SPTAN1: variants seen among roughly 807,000 people sequenced by gnomAD.
The protein encoded by SPTAN1 is spectrin alpha chain, non-erythrocytic 1.
SPTAN1 carries 61 observed loss-of-function variants against 331.3 expected under a neutral mutation model. The observed-to-expected ratio is 0.18, with a 90% CI of 0.15 to 0.23. The LOEUF (loss-of-function observed/expected upper bound fraction) is 0.23. Ranked by LOEUF, SPTAN1 falls within the 10% of genes least tolerant of loss-of-function variation. The probability of loss-of-function intolerance (pLI) is 1.00; values close to 1 mark genes in which losing one functional copy is unlikely to be tolerated. For synonymous variants in SPTAN1, 1,153 were observed against 1,173.9 expected, an observed-to-expected ratio of 0.98 and a Z score of 0.36; for missense variants, 2,043 against 3,147.9, an observed-to-expected ratio of 0.65 and a Z score of 8.40.
chr9:128,632,984 G>C (rs1196597884), intron 56 of SPTAN1, 29 bp downstream of exon 56: 1 of 1,607,990 alleles, frequency 6.2e-7, no homozygotes. Flanking sequence ...GGGTGAAGAG[G>C]TGTCCTTTGG....
intron 22 of SPTAN1, 147 bp downstream of exon 22, chr9:128,591,772 C>T: frequency 1.1e-6 from 1 of 951,156 alleles, no homozygotes; most frequent in South Asian, 1.6e-5. Flanking sequence ...GCCCACAGAC[C>T]TCCCTGTGTG....
chr9:128,588,165 T>G (rs1377495088), intron 20 of SPTAN1, among the ~76,000 whole-genome samples: 3 of 151,024 alleles, frequency 2.0e-5, no homozygotes, highest in Non-Finnish European at 3.0e-5. Flanking sequence ...GCCCAGCTAA[T>G]TTTTGTATTT....
chr9:128,580,300 A>AT (rs1327816306), intron 10 of SPTAN1, among the ~76,000 whole-genome samples: 1 of 151,022 alleles, frequency 6.6e-6, no homozygotes, highest in Non-Finnish European at 1.5e-5. Context: ...ATAAATAAAT[A>AT]AAAATAAAAT....
At position 128,627,990 on chromosome 9, in the gene SPTAN1, G is replaced by C. The variant is rs749543704; in HGVS notation, c.6707+48G>C. ...TCTGGGCTTGTCATGTGGGGGTCTC[G>C]TGCGCTTGCCCCTCGTGGCCTGGCT... is the stretch of plus-strand genomic sequence containing the variant. On this transcript the variant is annotated intron_variant, in intron 51 of 56. Coordinates refer to ENST00000372739, the MANE Select transcript of SPTAN1 (RefSeq NM_001130438.3). This position sits in a 1 kb window ranked among gnomAD's most constrained non-coding sequence, Gnocchi z 4.9. The C allele has an allele frequency of 1.2e-6, 2 of 1,612,856 alleles. No homozygotes were observed. Among genetic ancestry groups the C allele is most frequent in the Admixed American group, 1.7e-5 (1 of 59,992 alleles).
chr9:128,579,616 CT>C lies in SPTAN1; in HGVS notation c.1222-18del, dbSNP rs1851704796. On this transcript the variant is annotated intron_variant, in intron 9 of 56. Coordinates refer to ENST00000372739, the MANE Select transcript of SPTAN1 (RefSeq NM_001130438.3). ...GTAAGATGCTGGGCACAAATCATGG[CT>C]TTGTTTTTTTCTCCTGTAGGGTGAA... The C allele has an allele frequency of 6.3e-7, 1 of 1,593,896 alleles. No individual in the cohort carries two copies. Among genetic ancestry groups the C allele is most frequent in the Non-Finnish European group, 8.6e-7 (1 of 1,161,826 alleles).
At chr9:128,630,028 G>A (rs1859438814) in intron 51 of SPTAN1, 1 of 537,580 alleles carries the variant, frequency 1.9e-6, no homozygotes, top group Non-Finnish European at 3.5e-6. Flanking sequence ...CTGCACCCAT[G>A]GGGGAATTTA....
Position 128,604,986 on chromosome 9 carries a change from A to G in SPTAN1, c.3720-48A>G, listed in dbSNP as rs752581974. 1.9e-6 allele frequency: 3 copies of G among 1,610,180 alleles called. No homozygotes were observed. The South Asian group carries it at 3.3e-5, about 18-fold the overall frequency. On this transcript the variant is annotated intron_variant, in intron 29 of 56. Coordinates refer to ENST00000372739, the MANE Select transcript of SPTAN1 (RefSeq NM_001130438.3). ...AATTTTTTTTAGTGTCCTGTAATCAAGGCAGTTGTACTTGGCATTTCTTAA... is the reference window on the plus strand; with the variant it reads ...AATTTTTTTTAGTGTCCTGTAATCAGGGCAGTTGTACTTGGCATTTCTTAA...
chr9:128,623,461 GTTTT>G (rs1199547183), intron 45 of SPTAN1, among the ~76,000 whole-genome samples: 2 of 147,494 alleles, frequency 1.4e-5, no homozygotes, highest in Non-Finnish European at 3.0e-5. Flanking sequence ...CAGCCCATTC[GTTTT>G]TTTTGTTTGA....
intron 19 of SPTAN1, among the ~76,000 whole-genome samples, chr9:128,586,600 C>T (rs957837504): frequency 1.3e-5 from 2 of 152,020 alleles, no homozygotes; most frequent in African/African-American, 4.8e-5. Flanking sequence ...TACATATATA[C>T]ATACCTACAA....
At chr9:128,560,700 G>C (rs967126187) in intron 1 of SPTAN1, among the ~76,000 whole-genome samples, 18 of 151,970 alleles carry the variant, frequency 1.2e-4, no homozygotes, top group African/African-American at 4.3e-4. Flanking sequence ...TCACTCCAAA[G>C]TGCAGATGTG....
intron 40 of SPTAN1, among the ~76,000 whole-genome samples, chr9:128,614,209 C>A (rs1856866899): frequency 6.6e-6 from 1 of 152,102 alleles, no homozygotes; most frequent in Admixed American, 6.6e-5. Context: ...AATCCCAGCA[C>A]TTTGGGAGGC....
Position 128,621,153 on chromosome 9 carries a change from T to C in SPTAN1, c.5734-5T>C. The stretch of plus-strand genomic sequence containing the variant: ...AATAGTGTGCCTTGGCTGCTTCTAC[T>C]CCAGGGCTTACTGAAGAAACATGAA... On this transcript the variant is annotated splice_region_variant and splice_polypyrimidine_tract_variant and intron_variant, in intron 44 of 56. Transcript: ENST00000372739. 6.2e-7 allele frequency: 1 copy of C among 1,614,054 alleles called. No individual in the cohort carries two copies. The highest frequency in any genetic ancestry group is 8.5e-7 in the Non-Finnish European group (1 of 1,179,928).
intron 9 of SPTAN1, among the ~76,000 whole-genome samples, chr9:128,579,429 A>C (rs188033225): frequency 6.6e-6 from 1 of 152,220 alleles, no homozygotes; most frequent in South Asian, 2.1e-4. Context: ...CTGAAAAGCC[A>C]TTTGGAAAGG....
chr9:128,585,971 C>T lies in SPTAN1; in HGVS notation c.2778+6C>T, dbSNP rs925126570. On this transcript the variant is annotated splice_donor_region_variant and intron_variant, in intron 19 of 56. Coordinates refer to ENST00000372739, the MANE Select transcript of SPTAN1 (RefSeq NM_001130438.3). ...AGGACGAAGACTCTGCTGAGGTAACCAGGCGTGGGAAGCGTCTCACCTGCC... is the reference window on the plus strand; with the variant it reads ...AGGACGAAGACTCTGCTGAGGTAACTAGGCGTGGGAAGCGTCTCACCTGCC... 2 of 1,612,084 alleles carry T rather than the reference C, an allele frequency of 1.2e-6. No individual in the cohort carries two copies. The highest frequency in any genetic ancestry group is 1.7e-6 in the Non-Finnish European group (2 of 1,179,918).
In SPTAN1 at chr9:128,615,746, A is replaced by G; in HGVS notation, c.5263A>G (p.Lys1755Glu). The G allele has an allele frequency of 6.2e-7, 1 of 1,614,188 alleles. No individual in the cohort carries two copies. The highest frequency in any genetic ancestry group is 1.7e-5 in the Admixed American group (1 of 60,034). The change falls in exon 41 of 57, where the codon AAG becomes GAG. Residue 1755 changes from lysine (K) to glutamate (E), a missense_variant. Coordinates refer to ENST00000372739, the MANE Select transcript of SPTAN1 (RefSeq NM_001130438.3). ...DTINGRFQKI[K>E]SMAASRRAKL... The stretch of plus-strand genomic sequence containing the variant: ...CATCAACGGGCGCTTCCAGAAGATC[A>G]AGAGCATGGCGGCCTCCCGGCGAGC...
chr9:128,616,074 T>A (rs1019146933), intron 41 of SPTAN1, among the ~76,000 whole-genome samples: 1 of 152,144 alleles, frequency 6.6e-6, no homozygotes, highest in Non-Finnish European at 1.5e-5. Context: ...CCCTGCCTTT[T>A]AGATTCCCGT....
chr9:128,591,564 C>A lies in SPTAN1; in HGVS notation c.3094C>A (p.Arg1032=). The change falls in exon 22 of 57, where the codon CGG becomes AGG. Residue 1032 remains arginine, a synonymous_variant. Coordinates refer to ENST00000372739, the MANE Select transcript of SPTAN1 (RefSeq NM_001130438.3). ...ATTGGACCCCGCCCAGTCAGCCTCCCGGGAGAATCTCCTGGAGGAGCAAGG... is the reference window on the plus strand; with the variant it reads ...ATTGGACCCCGCCCAGTCAGCCTCCAGGGAGAATCTCCTGGAGGAGCAAGG... ...KKLDPAQSAS[R]ENLLEEQGSI... 6.2e-7 allele frequency: 1 copy of A among 1,614,182 alleles called. No homozygotes were observed. The highest frequency in any genetic ancestry group is 8.5e-7 in the Non-Finnish European group (1 of 1,180,038).
At chr9:128,569,828 A>G (rs893905147) in intron 3 of SPTAN1, among the ~76,000 whole-genome samples, 1 of 152,142 alleles carries the variant, frequency 6.6e-6, no homozygotes, top group African/African-American at 2.4e-5. Context: ...ACTCATTTTC[A>G]ACAATAAATG....
At position 128,585,976 on chromosome 9, in the gene SPTAN1, G is replaced by A. The variant is rs751451527; in HGVS notation, c.2778+11G>A. On this transcript the variant is annotated intron_variant, in intron 19 of 56. Transcript: ENST00000372739. Reference sequence around the variant, plus strand: ...GAAGACTCTGCTGAGGTAACCAGGCGTGGGAAGCGTCTCACCTGCCAGGGA... The same window carrying A: ...GAAGACTCTGCTGAGGTAACCAGGCATGGGAAGCGTCTCACCTGCCAGGGA... The A allele has an allele frequency of 1.3e-5, 21 of 1,611,848 alleles. No individual in the cohort carries two copies. The highest frequency in any genetic ancestry group is 6.7e-5 in the African/African-American group (5 of 74,862).
Sources: allele counts gnomAD v4.1 joint callset (sites outside exome capture counted in the v4.1 genomes callset), GRCh38; gene constraint gnomAD v4.1.1; non-coding constraint Gnocchi (gnomAD v3.1); transcripts MANE v1.5; gene names NCBI Gene and HGNC (gene_info 2026-07-23, HGNC 2026-07-21).